ZNF277: variants seen among roughly 807,000 people sequenced by gnomAD.
ZNF277 encodes nuclear receptor-interacting factor 4.
A neutral mutation model predicts 60.7 loss-of-function variants in ZNF277; 55 were observed. The observed-to-expected ratio is 0.91, with a 90% confidence interval of 0.73 to 1.13. The LOEUF (loss-of-function observed/expected upper bound fraction) is 1.13, where lower values mean the gene tolerates loss of function less well. ZNF277 is among the 50% of genes most tolerant of loss of function. The pLI is 0.00. For missense variants in ZNF277, 510 were observed against 523.0 expected (o/e 0.98, Z 0.24); for synonymous variants, 178 against 179.3 (o/e 0.99, Z 0.06).
rs139313191 is a variant in ZNF277, at chr7:112,337,805, G to T, written c.945G>T (p.Glu315Asp). ...GTGAAAAGCAAGCAGAAACAATTGAGAAGTTGTATGTCCACATGGAGGTAA... is the reference window on the plus strand; with the variant it reads ...GTGAAAAGCAAGCAGAAACAATTGATAAGTTGTATGTCCACATGGAGGTAA... ...LFCEKQAETIEKLYVHMEDAH... is the reference protein window; with the variant it reads ...LFCEKQAETIDKLYVHMEDAH... The change falls in exon 9 of 12, where the codon GAG becomes GAT. Residue 315 changes from glutamate to aspartate, a missense_variant. By Grantham distance (45) the Glu-to-Asp change is conservative. Transcript: ENST00000361822. 2.4e-5 allele frequency: 39 copies of T among 1,611,748 alleles called. No homozygotes were observed. In the African/African-American group the frequency reaches 4.8e-4, roughly 20 times the overall value.
intron 1 of ZNF277, among the ~76,000 whole-genome samples, chr7:112,284,453 C>A (rs1219601199): frequency 2.0e-5 from 3 of 152,108 alleles, no homozygotes; most frequent in Non-Finnish European, 4.4e-5. Flanking sequence ...AAGTATATTA[C>A]TTATCTCTCT....
chr7:112,305,836 A>G (rs895671145), intron 4 of ZNF277, among the ~76,000 whole-genome samples: 1 of 152,096 alleles, frequency 6.6e-6, no homozygotes. Context: ...ATGCTGGTCC[A>G]GTGTCTCCAG....
rs59902516 is a variant in ZNF277, at chr7:112,277,077, A to ATTTTTTTTTTTTTT, written c.92-9785_92-9772dup. 2.9e-5 allele frequency among the ~76,000 whole-genome samples: 3 copies of ATTTTTTTTTTTTTT among 104,440 alleles called. 1 individual carries two copies. Among genetic ancestry groups the ATTTTTTTTTTTTTT allele is most frequent in the Non-Finnish European group, 3.6e-5 (2 of 55,298 alleles). 68.5% of individuals were successfully genotyped at this position (104,440 alleles called of 152,430 possible). A position where few individuals can be genotyped will look rare whatever the true frequency, so the allele number is the denominator to read the frequency against. On this transcript the variant is annotated intron_variant, in intron 1 of 11. Transcript: ENST00000361822. ...CCAGAACCCTTTTAAGAATCTGTTG[A>ATTTTTTTTTTTTTT]TTTTTTTTTTTTTTTTTTTTTTTTG...
chr7:112,327,711 TC>T lies in ZNF277; in HGVS notation c.558-4del. On this transcript the variant is annotated splice_region_variant and splice_polypyrimidine_tract_variant and intron_variant, in intron 5 of 11. Transcript: ENST00000361822. ...AATAATCCTAATTGCTCAAATTTCT[TC>T]CTAGATCTGTTATTTTGAACCACAT... The T allele has an allele frequency of 6.2e-7, 1 of 1,608,306 alleles. No homozygotes were observed. The highest frequency in any genetic ancestry group is 8.5e-7 in the Non-Finnish European group (1 of 1,176,848).
At chr7:112,256,532 A>G (rs1563205914) in intron 1 of ZNF277, among the ~76,000 whole-genome samples, 1 of 139,550 alleles carries the variant, frequency 7.2e-6, no homozygotes, top group Non-Finnish European at 1.5e-5. Flanking sequence ...GCTCACCTCC[A>G]CCTCCCAGGT....
At chr7:112,338,805 G>C (rs183908174) in intron 9 of ZNF277, among the ~76,000 whole-genome samples, 28 of 152,138 alleles carry the variant, frequency 1.8e-4, no homozygotes, top group Admixed American at 1.3e-4. Flanking sequence ...TCCTGTGTAA[G>C]GATTACCTTT....
At chr7:112,296,119 CA>C in intron 3 of ZNF277, 109 bp from the exon 4 acceptor site, 1 of 992,454 alleles carries the variant, frequency 1.0e-6, no homozygotes, top group South Asian at 1.4e-5. Context: ...AGTTCTATGC[CA>C]AAGAGATCCT....
intron 4 of ZNF277, among the ~76,000 whole-genome samples, chr7:112,303,707 C>T (rs1563221783): frequency 6.6e-6 from 1 of 152,018 alleles, no homozygotes; most frequent in Non-Finnish European, 1.5e-5. Flanking sequence ...CCTGCATTTA[C>T]ATTTTATTTT....
intron 1 of ZNF277, among the ~76,000 whole-genome samples, chr7:112,222,911 G>A (rs1264855209): frequency 4.6e-5 from 7 of 152,150 alleles, no homozygotes; most frequent in African/African-American, 1.7e-4. Flanking sequence ...AATATAAACA[G>A]GCAGAAAAAT....
At chr7:112,256,421 GTTTTTTTT>G (rs779126085) in intron 1 of ZNF277, among the ~76,000 whole-genome samples, 4 of 95,394 alleles carry the variant, frequency 4.2e-5, no homozygotes, top group South Asian at 3.7e-4. Context: ...CTTCTTTGGA[GTTTTTTTT>G]TTTTTTTTTT....
At chr7:112,221,240 C>G (rs1367230519) in intron 1 of ZNF277, among the ~76,000 whole-genome samples, 1 of 152,144 alleles carries the variant, frequency 6.6e-6, no homozygotes, top group Non-Finnish European at 1.5e-5. Flanking sequence ...TTCCACGGTT[C>G]TCTTCCATGA....
At chr7:112,338,428 G>A (rs1793375139) in intron 9 of ZNF277, among the ~76,000 whole-genome samples, 2 of 152,124 alleles carry the variant, frequency 1.3e-5, no homozygotes, top group Admixed American at 6.5e-5. Flanking sequence ...TGCACAAGGC[G>A]GATAGGGAAG....
At chr7:112,316,336 A>T (rs539605330) in intron 4 of ZNF277, among the ~76,000 whole-genome samples, 1 of 152,030 alleles carries the variant, frequency 6.6e-6, no homozygotes, top group African/African-American at 2.4e-5. Flanking sequence ...TTTTTCATAT[A>T]TTTCTTGGCT....
chr7:112,248,429 A>G (rs960673669), intron 1 of ZNF277, among the ~76,000 whole-genome samples: 2 of 152,062 alleles, frequency 1.3e-5, no homozygotes, highest in Admixed American at 6.5e-5. Flanking sequence ...GTGCTAAAAC[A>G]AAGGGGGAAA....
chr7:112,324,995 C>T (rs1467061497), intron 5 of ZNF277, among the ~76,000 whole-genome samples: 1 of 152,152 alleles, frequency 6.6e-6, no homozygotes, highest in Non-Finnish European at 1.5e-5. Context: ...GGGCTATCTT[C>T]TTTACTCAGT....
chr7:112,257,162 C>T (rs570605897), intron 1 of ZNF277, among the ~76,000 whole-genome samples: 2 of 152,154 alleles, frequency 1.3e-5, no homozygotes, highest in Admixed American at 6.6e-5. Context: ...TACTTGCTGA[C>T]GCCACACCGG....
At chr7:112,282,068 C>T (rs573347482) in intron 1 of ZNF277, among the ~76,000 whole-genome samples, 6 of 152,142 alleles carry the variant, frequency 3.9e-5, no homozygotes, top group African/African-American at 4.8e-5. Flanking sequence ...CCTGACCTTG[C>T]GATCTGCCTA....
At chr7:112,300,837 G>A (rs1004449780) in intron 4 of ZNF277, among the ~76,000 whole-genome samples, 3 of 151,994 alleles carry the variant, frequency 2.0e-5, no homozygotes, top group Non-Finnish European at 4.4e-5. Context: ...ATCTCTAGAA[G>A]CATATTTAAT....
intron 4 of ZNF277, among the ~76,000 whole-genome samples, chr7:112,315,130 A>T (rs1221232596): frequency 1.3e-5 from 2 of 152,030 alleles, no homozygotes; most frequent in South Asian, 4.1e-4. Context: ...AATTGAAGAG[A>T]ACTCAATAAT....
Sources: gnomAD v4.1 joint callset for allele counts (sites outside exome capture counted in the v4.1 genomes callset) on GRCh38, gnomAD v4.1.1 for gene constraint, MANE v1.5 for transcripts, NCBI Gene and HGNC (gene_info 2026-07-23, HGNC 2026-07-21) for gene names.